The following SRPK2 variants were observed in gnomAD, a reference collection of about 807,000 sequenced individuals.
SRPK2 encodes the protein SRSF protein kinase 2.
A neutral mutation model predicts 90.8 loss-of-function variants in SRPK2; 21 were observed. The observed-to-expected ratio is 0.23, with a 90% CI of 0.16 to 0.33. SRPK2 has a LOEUF of 0.33. SRPK2 is among the 10% of genes least tolerant of loss of function. The pLI is 1.00. For synonymous variants in SRPK2, 288 were observed against 311.1 expected (o/e 0.93, Z 0.78); for missense variants, 620 against 869.0 (o/e 0.71, Z 3.60).
chr7:105,291,543 A>G (rs1316641018), intron 2 of SRPK2, among the ~76,000 whole-genome samples: 1 of 152,048 alleles, frequency 6.6e-6, no homozygotes, highest in Non-Finnish European at 1.5e-5. Context: ...AGCCTGGCCA[A>G]TATGGTGAAA....
chr7:105,143,012 T>A, intron 10 of SRPK2, 72 bp downstream of exon 10: 3 of 1,548,952 alleles, frequency 1.9e-6, no homozygotes. Flanking sequence ...TCAGCCCCCA[T>A]GTTGACCTGG....
Position 105,222,346 on chromosome 7 carries a change from T to C in SRPK2, c.72-18561A>G, listed in dbSNP as rs79629777. Among the ~76,000 whole-genome samples, 47 of 152,344 alleles carry C rather than the reference T, an allele frequency of 3.1e-4. No individual in the cohort carries two copies. In the South Asian group the frequency reaches 3.3e-3, roughly 11 times the overall value. ...GAGAGACATCGTACCAACAAAAGAATTGTTCCTCACAATAACTTGTAACTT... is the reference window on the plus strand; with the variant it reads ...GAGAGACATCGTACCAACAAAAGAACTGTTCCTCACAATAACTTGTAACTT... On this transcript the variant is annotated intron_variant, in intron 2 of 15. Coordinates refer to ENST00000393651, the MANE Select transcript of SRPK2 (RefSeq NM_182692.3).
At chr7:105,359,913 G>GTT (rs1818235923) in intron 2 of SRPK2, among the ~76,000 whole-genome samples, 2 of 152,270 alleles carry the variant, frequency 1.3e-5, no homozygotes, top group South Asian at 4.1e-4. Flanking sequence ...GCAGAGCTGA[G>GTT]TTCAAGTCCT....
At chr7:105,226,265 C>T (rs745640177) in intron 2 of SRPK2, among the ~76,000 whole-genome samples, 30 of 150,904 alleles carry the variant, frequency 2.0e-4, no homozygotes, top group Non-Finnish European at 3.7e-4. Context: ...TTTTAAAAAA[C>T]GCACTATATA....
chr7:105,232,413 C>T (rs559089188), intron 2 of SRPK2, among the ~76,000 whole-genome samples: 43 of 147,110 alleles, frequency 2.9e-4, no homozygotes, highest in Non-Finnish European at 3.6e-4. Flanking sequence ...GAGCCGAGAT[C>T]GCGCCATTGC....
rs768277903 is a variant in SRPK2, at chr7:105,118,037, A to G, written c.1916-15T>C. The stretch of plus-strand genomic sequence containing the variant: ...TCGCAGTTCTCCTACAGGGGAAAAA[A>G]CAGGCCAATGTCAAGAAAGCTCCAA... On this transcript the variant is annotated splice_polypyrimidine_tract_variant and intron_variant, in intron 15 of 15. Transcript: ENST00000393651. 6.2e-7 allele frequency: 1 copy of G among 1,610,436 alleles called. No homozygotes were observed. The highest frequency in any genetic ancestry group is 1.1e-5 in the South Asian group (1 of 90,734).
upstream of SRPK2, among the ~76,000 whole-genome samples, chr7:105,391,036 A>G (rs1169912898): frequency 6.6e-6 from 1 of 152,164 alleles, no homozygotes; most frequent in Non-Finnish European, 1.5e-5. Flanking sequence ...ATGAAAAATG[A>G]GCAAAGGATT....
chr7:105,255,711 C>G (rs1803179234), intron 2 of SRPK2, among the ~76,000 whole-genome samples: 1 of 152,144 alleles, frequency 6.6e-6, no homozygotes, highest in Non-Finnish European at 1.5e-5. Flanking sequence ...GCGGGCAGAT[C>G]ACCTGAGGTC....
At chr7:105,265,312 A>G (rs185577454) in intron 2 of SRPK2, among the ~76,000 whole-genome samples, 2 of 152,312 alleles carry the variant, frequency 1.3e-5, no homozygotes, top group East Asian at 1.9e-4. Context: ...CTATTTACAG[A>G]GTGTTTTCAT....
intron 2 of SRPK2, among the ~76,000 whole-genome samples, chr7:105,232,717 T>A (rs1040868684): frequency 6.7e-6 from 1 of 150,348 alleles, no homozygotes; most frequent in African/African-American, 2.4e-5. Context: ...ACAATAATAA[T>A]AAAAAAAAAA....
intron 13 of SRPK2, among the ~76,000 whole-genome samples, chr7:105,132,446 A>G (rs1433832589): frequency 6.6e-6 from 1 of 152,214 alleles, no homozygotes; most frequent in Non-Finnish European, 1.5e-5. Context: ...GAGTGAAGGG[A>G]AAAGCTCCCT....
intron 1 of SRPK2, among the ~76,000 whole-genome samples, chr7:105,398,176 A>G (rs1822382010): frequency 6.6e-6 from 1 of 152,194 alleles, no homozygotes; most frequent in Non-Finnish European, 1.5e-5. Flanking sequence ...ATGAAACTCA[A>G]AATGTCCACA....
chr7:105,223,278 G>A (rs1563104743), intron 2 of SRPK2, among the ~76,000 whole-genome samples: 1 of 152,210 alleles, frequency 6.6e-6, no homozygotes, highest in Non-Finnish European at 1.5e-5. Context: ...CCTAATGTGA[G>A]CAAACCTGAA....
Position 105,160,496 on chromosome 7 carries a change from A to G in SRPK2, c.621+11T>C. On this transcript the variant is annotated intron_variant, in intron 7 of 15. Transcript: ENST00000393651. Reference sequence around the variant, plus strand: ...GTACTAGGGCCTAGGGGCTGCCGTCAAAAGTCTCACCTGTCGAATGATACT... The same window carrying G: ...GTACTAGGGCCTAGGGGCTGCCGTCGAAAGTCTCACCTGTCGAATGATACT... 6.3e-7 allele frequency: 1 copy of G among 1,586,942 alleles called. No homozygotes were observed. Among genetic ancestry groups the G allele is most frequent in the Non-Finnish European group, 8.7e-7 (1 of 1,155,604 alleles).
chr7:105,388,633 G>T lies in SRPK2; in HGVS notation c.71+15C>A. On this transcript the variant is annotated intron_variant, in intron 2 of 15. Coordinates refer to ENST00000393651, the MANE Select transcript of SRPK2 (RefSeq NM_182692.3). ...GCGGGGGTGGGGAACGGGGACAGGC[G>T]CAGCGTGGACTCACTTTTTCGGATG... is the stretch of plus-strand genomic sequence containing the variant. 6.3e-7 allele frequency: 1 copy of T among 1,576,306 alleles called. No individual in the cohort carries two copies. Among genetic ancestry groups the T allele is most frequent in the Non-Finnish European group, 8.6e-7 (1 of 1,161,138 alleles).
At chr7:105,265,861 A>ATT (rs34042895) in intron 2 of SRPK2, among the ~76,000 whole-genome samples, 1 of 151,876 alleles carries the variant, frequency 6.6e-6, no homozygotes. Context: ...ATCATTAGGC[A>ATT]TTTTTTTTAA....
intron 3 of SRPK2, among the ~76,000 whole-genome samples, chr7:105,170,690 CCAAGAAAGA>C (rs1412825656): frequency 1.6e-4 from 22 of 137,796 alleles, no homozygotes; most frequent in South Asian, 4.8e-4. Context: ...TGAGACTCCA[CCAAGAAAGA>C]CAAGAAAGAC....
chr7:105,274,556 C>T (rs1024457232), intron 2 of SRPK2, among the ~76,000 whole-genome samples: 12 of 150,926 alleles, frequency 8.0e-5, no homozygotes, highest in Admixed American at 7.9e-4. Context: ...AGCAAGACTC[C>T]GTCTCAAAAA....
At chr7:105,291,497 G>GTGGCTCACACCTGTAATCCCA (rs1809011644) in intron 2 of SRPK2, among the ~76,000 whole-genome samples, 1 of 152,188 alleles carries the variant, frequency 6.6e-6, no homozygotes, top group African/African-American at 2.4e-5. Context: ...GTGAGGCCGA[G>GTGGCTCACACCTGTAATCCCA]GCAGGTGGAT....
Sources: allele counts gnomAD v4.1 joint callset (sites outside exome capture counted in the v4.1 genomes callset), GRCh38; gene constraint gnomAD v4.1.1; transcripts MANE v1.5; gene names NCBI Gene and HGNC (gene_info 2026-07-23, HGNC 2026-07-21).